Variants in FRMD4A observed in about 807,000 individuals in gnomAD.
The protein encoded by FRMD4A is FERM domain-containing protein 4A.
FRMD4A carries 29 observed loss-of-function variants against 129.1 expected under a neutral mutation model. The observed-to-expected ratio is 0.22, with a 90% confidence interval of 0.17 to 0.31. The LOEUF (loss-of-function observed/expected upper bound fraction) is 0.31. Ranked by LOEUF, FRMD4A falls within the 10% of genes least tolerant of loss-of-function variation. The probability of loss-of-function intolerance (pLI) is 1.00; values close to 1 mark genes in which losing one functional copy is unlikely to be tolerated. For missense variants in FRMD4A, 1,272 were observed against 1,375.8 expected, an observed-to-expected ratio of 0.92 and a Z score of 1.19; for synonymous variants, 634 against 571.6, an observed-to-expected ratio of 1.11 and a Z score of -1.56.
intron 2 of FRMD4A, among the ~76,000 whole-genome samples, chr10:14,004,802 G>T (rs997575186): frequency 1.3e-5 from 2 of 152,112 alleles, no homozygotes; most frequent in Non-Finnish European, 2.9e-5. Context: ...AATAGTTAAA[G>T]AGTAAATAGT....
At chr10:14,236,475 A>ACTG (rs1388885314) in intron 2 of FRMD4A, among the ~76,000 whole-genome samples, 1 of 152,224 alleles carries the variant, frequency 6.6e-6, no homozygotes, top group African/African-American at 2.4e-5. Flanking sequence ...CAGCCAGGAC[A>ACTG]CTGCTGCTGG....
chr10:13,791,353 C>A (rs2092995061), intron 5 of FRMD4A, among the ~76,000 whole-genome samples: 1 of 152,006 alleles, frequency 6.6e-6, no homozygotes, highest in Non-Finnish European at 1.5e-5. Flanking sequence ...CCTGAAGTTG[C>A]ATGAACATTT....
chr10:13,768,526 G>A (rs73593009), intron 6 of FRMD4A, among the ~76,000 whole-genome samples: 2,249 of 152,272 alleles, frequency 0.015, 50 homozygotes, highest in African/African-American at 0.049. Context: ...ATTTTGACAA[G>A]GACAGTCTTT....
At chr10:14,174,550 ATTC>A (rs1245896242) in intron 2 of FRMD4A, among the ~76,000 whole-genome samples, 53 of 151,760 alleles carry the variant, frequency 3.5e-4, no homozygotes, top group African/African-American at 1.1e-3. Flanking sequence ...TCATTCATTC[ATTC>A]ATTCATTCAT....
intron 2 of FRMD4A, among the ~76,000 whole-genome samples, chr10:14,098,598 C>T (rs897689396): frequency 2.0e-5 from 3 of 151,984 alleles, no homozygotes; most frequent in Admixed American, 2.0e-4. Flanking sequence ...TTAGTAGAGA[C>T]GTGGTTTCAG....
At chr10:13,943,388 G>A (rs1172463855) in intron 2 of FRMD4A, among the ~76,000 whole-genome samples, 1 of 151,960 alleles carries the variant, frequency 6.6e-6, no homozygotes, top group Non-Finnish European at 1.5e-5. Context: ...GGTGATTCAC[G>A]CCTGTAATCC....
chr10:13,689,198 C>CGGGGGGGTGGGGGGGGGGTGGGGG (rs2085398998), intron 15 of FRMD4A, among the ~76,000 whole-genome samples: 1 of 68,026 alleles, frequency 1.5e-5, no homozygotes. Flanking sequence ...AAACTCTTTG[C>CGGGGGGGTGGGGGGGGGGTGGGGG]GGGGGGGGGG....
Position 13,660,422 on chromosome 10 carries a change from G to C in FRMD4A, c.1792C>G (p.Arg598Gly). 1 of 1,613,992 alleles carries C rather than the reference G, an allele frequency of 6.2e-7. No individual in the cohort carries two copies. Among genetic ancestry groups the C allele is most frequent in the Non-Finnish European group, 8.5e-7 (1 of 1,179,852 alleles). Residue 598 changes from arginine to glycine, a missense_variant, in exon 20 of 25, where the codon CGC (arginine) becomes GGC (glycine). Transcript: ENST00000357447. Reference protein sequence around the residue: ...LEGLRQMHYHRNDYDKSPIKP... With the variant: ...LEGLRQMHYHGNDYDKSPIKP... ...ATGGGTGACTTGTCATAGTCGTTGC[G>C]GTGATAGTGCATCTGTCGGAGTCCC...
intron 2 of FRMD4A, among the ~76,000 whole-genome samples, chr10:14,243,760 T>TCA (rs1844134814): frequency 6.6e-6 from 1 of 151,538 alleles, no homozygotes; most frequent in Non-Finnish European, 1.5e-5. Context: ...GAATGTACAT[T>TCA]CACACTGCTA....
chr10:13,774,666 C>T (rs972615085), intron 6 of FRMD4A, among the ~76,000 whole-genome samples: 8 of 152,204 alleles, frequency 5.3e-5, no homozygotes, highest in South Asian at 2.1e-4. Flanking sequence ...GACGGGATCA[C>T]GTCACAGGGA....
chr10:13,705,073 CAAAAT>C (rs779063118), intron 13 of FRMD4A, among the ~76,000 whole-genome samples: 1 of 152,136 alleles, frequency 6.6e-6, no homozygotes, highest in Admixed American at 6.5e-5. Flanking sequence ...GACCGTGTCT[CAAAAT>C]AAAAGTTCCT....
At chr10:14,050,954 G>A (rs1417757101) in intron 2 of FRMD4A, among the ~76,000 whole-genome samples, 3 of 152,202 alleles carry the variant, frequency 2.0e-5, no homozygotes, top group African/African-American at 4.8e-5. Context: ...ACTGAGGAGG[G>A]GATGTGGGAC....
chr10:14,066,008 T>TGTGTGTGTGTGTGTGTGTG (rs1588899002), intron 2 of FRMD4A, among the ~76,000 whole-genome samples: 28 of 139,224 alleles, frequency 2.0e-4, no homozygotes, highest in African/African-American at 7.2e-4. Context: ...GGGTATGTAT[T>TGTGTGTGTGTGTGTGTGTG]TGTGTGTGTG....
chr10:14,195,652 G>A (rs1484319351), intron 2 of FRMD4A, among the ~76,000 whole-genome samples: 2 of 152,160 alleles, frequency 1.3e-5, no homozygotes, highest in Non-Finnish European at 2.9e-5. Context: ...ATCAAGCTGG[G>A]GCTAATCAGT....
intron 2 of FRMD4A, among the ~76,000 whole-genome samples, chr10:14,262,328 G>A (rs949877780): frequency 1.3e-5 from 2 of 152,106 alleles, no homozygotes; most frequent in Non-Finnish European, 2.9e-5. Context: ...TCTGAATCCT[G>A]GTTCTGTACC....
rs543676041 is a variant in FRMD4A at position 14,104,270 on chromosome 10, G to A, written c.45+225788C>T. On this transcript the variant is annotated intron_variant, in intron 2 of 24. Transcript: ENST00000357447. ...TTTACACTGCCATGGGGGTTACACC[G>A]CCATTGAGGTCTACACTGCCATCGA... 2.0e-3 allele frequency among the ~76,000 whole-genome samples: 305 copies of A among 151,484 alleles called. 1 individual carries two copies. The highest frequency in any genetic ancestry group is 3.4e-3 in the Admixed American group (52 of 15,220).
intron 15 of FRMD4A, chr10:13,675,524 C>A (rs2134734562): frequency 6.5e-6 from 1 of 154,392 alleles, no homozygotes. Context: ...GCCTCAGCCT[C>A]CCGAGTAGCT....
intron 2 of FRMD4A, among the ~76,000 whole-genome samples, chr10:14,167,851 T>C (rs1434351081): frequency 6.6e-6 from 1 of 151,762 alleles, no homozygotes; most frequent in African/African-American, 2.4e-5. Context: ...ATTTGGAAGG[T>C]GTGAAGTACG....
At chr10:13,919,276 T>TGACTTAAGAAGC (rs1249205821) in intron 2 of FRMD4A, among the ~76,000 whole-genome samples, 1 of 152,228 alleles carries the variant, frequency 6.6e-6, no homozygotes, top group Admixed American at 6.5e-5. Context: ...CAGTTGGGTA[T>TGACTTAAGAAGC]TGTTTGACTT....
Sources: gnomAD v4.1 joint callset for allele counts (sites outside exome capture counted in the v4.1 genomes callset) on GRCh38, gnomAD v4.1.1 for gene constraint, MANE v1.5 for transcripts, NCBI Gene and HGNC (gene_info 2026-07-23, HGNC 2026-07-21) for gene names.